The following GPRC5B variants were observed in gnomAD, a reference collection of about 807,000 sequenced individuals.
GPRC5B encodes G protein-coupled receptor family C group 5 member B.
A neutral mutation model predicts 30.1 loss-of-function variants in GPRC5B; 16 were observed. That is an observed-to-expected ratio of 0.53 (90% CI 0.36 to 0.81). GPRC5B has a LOEUF of 0.81. Among genes scored for constraint, GPRC5B ranks in the 30% least tolerant of loss-of-function variants. The pLI is 0.01. For missense variants in GPRC5B, 428 were observed against 544.7 expected, an observed-to-expected ratio of 0.79 and a Z score of 2.13; for synonymous variants, 241 against 239.5, an observed-to-expected ratio of 1.01 and a Z score of -0.06.
intron 1 of GPRC5B, among the ~76,000 whole-genome samples, chr16:19,883,922 G>T (rs1388280758): frequency 6.6e-6 from 1 of 152,170 alleles, no homozygotes; most frequent in African/African-American, 2.4e-5. Context: ...CTCCCTTTTC[G>T]GCCTAAGCGC....
chr16:19,861,724 T>C, intron 3 of GPRC5B, 113 bp downstream of exon 3: 1 of 818,246 alleles, frequency 1.2e-6, no homozygotes, highest in Non-Finnish European at 2.0e-6. Flanking sequence ...GCTGTGGCGG[T>C]CCTTGCAGGC....
At chr16:19,869,077 C>T (rs572421025) in intron 2 of GPRC5B, among the ~76,000 whole-genome samples, 4 of 152,104 alleles carry the variant, frequency 2.6e-5, no homozygotes, top group African/African-American at 9.6e-5. Flanking sequence ...GTCTGTAATC[C>T]CAGCACTTTG....
chr16:19,861,104 A>AAAAAAAAG (rs3067835), intron 3 of GPRC5B, among the ~76,000 whole-genome samples: 3 of 151,312 alleles, frequency 2.0e-5, no homozygotes, highest in African/African-American at 7.3e-5. Context: ...AAAAAAAAAA[A>AAAAAAAAG]GAAGAATGCT....
rs377381168 is a variant in GPRC5B at position 19,872,261 on chromosome 16, G to A, written c.585C>T (p.Tyr195=). ...GGGCCATCACAAAGTCCATGGGCTC[G>A]TAGGCGCAGGCTGGCCTTGTGTCAC... The part of the protein sequence containing the change: ...VLRDTRPACA[Y]EPMDFVMALI... The change falls in exon 2 of 4, where the codon TAC becomes TAT. Residue 195 remains tyrosine, a synonymous_variant. Transcript: ENST00000300571. This position sits in a 1 kb window ranked among gnomAD's most constrained non-coding sequence, Gnocchi z 5.0. 1.8e-4 allele frequency: 287 copies of A among 1,613,994 alleles called. No individual in the cohort carries two copies. The highest frequency in any genetic ancestry group is 2.1e-4 in the Non-Finnish European group (243 of 1,180,000).
intron 3 of GPRC5B, 78 bp downstream of exon 3, chr16:19,861,759 G>T (rs937833297): frequency 3.2e-6 from 4 of 1,246,520 alleles, no homozygotes; most frequent in Admixed American, 3.5e-5. Context: ...CCATGGAGGA[G>T]TATGTCCCTG....
intron 2 of GPRC5B, among the ~76,000 whole-genome samples, chr16:19,865,804 ACG>A (rs2056661696): frequency 6.6e-6 from 1 of 152,258 alleles, no homozygotes; most frequent in Non-Finnish European, 1.5e-5. Flanking sequence ...TAAAGCAAGC[ACG>A]CTGAAGAACG....
At chr16:19,884,491 A>G (rs1364204256) in intron 1 of GPRC5B, among the ~76,000 whole-genome samples, 2 of 149,222 alleles carry the variant, frequency 1.3e-5, no homozygotes, top group Non-Finnish European at 3.0e-5. Context: ...CCCCCCGTAA[A>G]GGTCCCCAGA....
rs1214846683 is a variant in GPRC5B at position 19,859,767 on chromosome 16, CG to C, written c.*732del. 2 of 152,716 alleles carry C rather than the reference CG, an allele frequency of 1.3e-5. No individual in the cohort carries two copies. Among genetic ancestry groups the C allele is most frequent in the African/African-American group, 4.8e-5 (2 of 41,440 alleles). The allele number at this position is 152,716 out of a possible 1,614,324, so 9.5% of individuals were successfully genotyped here. A position where few individuals can be genotyped will look rare whatever the true frequency, so the allele number is the denominator to read the frequency against. On this transcript the variant is annotated 3_prime_UTR_variant, in exon 4 of 4. Transcript: ENST00000300571. ...TTCTATGGCTCTACAAGGGAAGGGGCGGGGCCTGTGTTCTCACCATAGACAC... is the reference window on the plus strand; with the variant it reads ...TTCTATGGCTCTACAAGGGAAGGGGCGGGCCTGTGTTCTCACCATAGACAC...
intron 1 of GPRC5B, among the ~76,000 whole-genome samples, chr16:19,880,709 T>G (rs1473836202): frequency 6.6e-6 from 1 of 152,112 alleles, no homozygotes; most frequent in Non-Finnish European, 1.5e-5. Flanking sequence ...AAACCAGGCA[T>G]CTCTCTTGCG....
upstream of GPRC5B, chr16:19,884,915 C>T: frequency 1.1e-6 from 1 of 904,114 alleles, no homozygotes; most frequent in Non-Finnish European, 1.3e-6. Flanking sequence ...GCGGCCGCGG[C>T]CCCGCCCCCG....
intron 1 of GPRC5B, among the ~76,000 whole-genome samples, chr16:19,879,126 C>G (rs2056783215): frequency 1.3e-5 from 2 of 152,036 alleles, no homozygotes; most frequent in Admixed American, 6.6e-5. Flanking sequence ...AAATTAGGCA[C>G]CTGGTGCCTC....
At chr16:19,874,318 C>T (rs2056745075) in intron 1 of GPRC5B, among the ~76,000 whole-genome samples, 3 of 152,164 alleles carry the variant, frequency 2.0e-5, no homozygotes, top group African/African-American at 4.8e-5. Flanking sequence ...GGCCACTCCT[C>T]CTCCCAGTGC....
chr16:19,859,911 C>CTATAAA lies in GPRC5B; in HGVS notation c.*583_*588dup, dbSNP rs1211672154. 2.0e-5 allele frequency: 3 copies of CTATAAA among 153,296 alleles called. No homozygotes were observed. The East Asian group carries it at 5.8e-4, about 30-fold the overall frequency. The allele number at this position is 153,296 out of a possible 1,614,324, so 9.5% of individuals were successfully genotyped here. On this transcript the variant is annotated 3_prime_UTR_variant, in exon 4 of 4. Coordinates refer to ENST00000300571, the MANE Select transcript of GPRC5B (RefSeq NM_016235.3). ...GCCAGGGTCCCTCCACCTCTACTGG[C>CTATAAA]TATAAAGCTCACCCCACGATTCAGT...
chr16:19,870,187 C>T (rs2056704020), intron 2 of GPRC5B, among the ~76,000 whole-genome samples: 1 of 152,178 alleles, frequency 6.6e-6, no homozygotes, highest in African/African-American at 2.4e-5. Context: ...CATATGTCCT[C>T]AGAGGATTCC....
At chr16:19,871,395 G>A (rs2056718352) in intron 2 of GPRC5B, among the ~76,000 whole-genome samples, 1 of 151,860 alleles carries the variant, frequency 6.6e-6, no homozygotes, top group African/African-American at 2.4e-5. Flanking sequence ...GCCGAGGTGG[G>A]CATATCAGCT....
chr16:19,884,729 AC>A lies in GPRC5B; in HGVS notation c.-5del. On this transcript the variant is annotated 5_prime_UTR_variant, in exon 1 of 4. Coordinates refer to ENST00000300571, the MANE Select transcript of GPRC5B (RefSeq NM_016235.3). ...GCATCGGCGCAGCTCGCACTTACCG[AC>A]CCCCGCGGCCCCGCAGCGCCGACGC... The A allele has an allele frequency of 9.2e-6, 9 of 982,442 alleles. No individual in the cohort carries two copies. The highest frequency in any genetic ancestry group is 1.8e-5 in the African/African-American group (1 of 56,432). 60.9% of individuals were successfully genotyped at this position (982,442 alleles called of 1,614,324 possible). A position where few individuals can be genotyped will look rare whatever the true frequency, so the allele number is the denominator to read the frequency against.
intron 2 of GPRC5B, among the ~76,000 whole-genome samples, chr16:19,862,947 G>A (rs938697754): frequency 9.2e-5 from 14 of 152,130 alleles, no homozygotes; most frequent in Admixed American, 3.3e-4. Context: ...CACTTTTCTG[G>A]CTAAAAAGCA....
At chr16:19,881,754 C>A (rs773498277) in intron 1 of GPRC5B, among the ~76,000 whole-genome samples, 3 of 152,202 alleles carry the variant, frequency 2.0e-5, no homozygotes, top group Admixed American at 6.5e-5. Flanking sequence ...TGCACTCCAG[C>A]CTGGGCGACA....
chr16:19,865,063 C>A (rs1221829110), intron 2 of GPRC5B, among the ~76,000 whole-genome samples: 2 of 151,804 alleles, frequency 1.3e-5, no homozygotes, highest in African/African-American at 4.8e-5. Context: ...CGCCACCATG[C>A]CTGGCTTATT....
Sources: allele counts gnomAD v4.1 joint callset (sites outside exome capture counted in the v4.1 genomes callset), GRCh38; gene constraint gnomAD v4.1.1; non-coding constraint Gnocchi (gnomAD v3.1); transcripts MANE v1.5; gene names NCBI Gene and HGNC (gene_info 2026-07-23, HGNC 2026-07-21).